The following HPF1 variants were observed in gnomAD, a reference collection of about 807,000 sequenced individuals.
HPF1 encodes the protein UPF0609 protein C4orf27.
Under a neutral mutation model 38.8 loss-of-function variants are expected in HPF1, and 35 were observed. That is an observed-to-expected ratio of 0.90 (90% CI 0.69 to 1.19). The LOEUF (loss-of-function observed/expected upper bound fraction) is 1.19. Among genes scored for constraint, HPF1 ranks in the 50% most tolerant of loss-of-function variants. The pLI, the probability that HPF1 is intolerant of heterozygous loss-of-function variation, is 0.00. For synonymous variants in HPF1, 115 were observed against 139.2 expected, an observed-to-expected ratio of 0.83 and a Z score of 1.22; for missense variants, 367 against 405.8, an observed-to-expected ratio of 0.90 and a Z score of 0.82.
Position 169,741,983 on chromosome 4 carries a change from CG to C in HPF1, c.621del (p.Val208Ter). On this transcript the variant is annotated frameshift_variant, in exon 5 of 8. Transcript: ENST00000393381. LOFTEE classifies it high-confidence loss of function. ...TTCTTATCTCTCTGTTTCATCTTCACGGTTCTCTGTTCAAGCGAGTACCCCA... is the reference window on the plus strand; with the variant it reads ...TTCTTATCTCTCTGTTTCATCTTCACGTTCTCTGTTCAAGCGAGTACCCCA... The part of the protein sequence containing the change: ...RELGYSLEQR[T>X]VKMKQRDKKV... 1 of 1,613,506 alleles carries C rather than the reference CG, an allele frequency of 6.2e-7. No homozygotes were observed. The highest frequency in any genetic ancestry group is 8.5e-7 in the Non-Finnish European group (1 of 1,179,642).
chr4:169,733,660 C>CT, intron 6 of HPF1, among the ~76,000 whole-genome samples: 1 of 152,192 alleles, frequency 6.6e-6, no homozygotes, highest in South Asian at 2.1e-4. Context: ...ATTTGGGAGG[C>CT]TGAGGCAGGA....
rs1315554884 is a variant in HPF1 at position 169,737,243 on chromosome 4, T to G, written c.736+417A>C. Among the ~76,000 whole-genome samples the G allele has an allele frequency of 4.1e-5, 6 of 147,722 alleles. No homozygotes were observed. The East Asian group carries it at 1.2e-3, about 29-fold the overall frequency. ...AGGCGGAGGTTGCAGTGAGCTGAGA[T>G]TGCGCCACTGCACTCCAGCCTGGGC... On this transcript the variant is annotated intron_variant, in intron 6 of 7. Transcript: ENST00000393381.
At chr4:169,734,063 A>G (rs1457296629) in intron 6 of HPF1, among the ~76,000 whole-genome samples, 1 of 152,210 alleles carries the variant, frequency 6.6e-6, no homozygotes, top group Non-Finnish European at 1.5e-5. Flanking sequence ...CTTTTGGTGG[A>G]CCAGTATCGC....
chr4:169,735,865 A>G (rs1359027874), intron 6 of HPF1, among the ~76,000 whole-genome samples: 2 of 151,598 alleles, frequency 1.3e-5, no homozygotes, highest in Non-Finnish European at 2.9e-5. Context: ...TAAGAGAAAT[A>G]CAGTGTGGGT....
chr4:169,733,898 A>G (rs1410386641), intron 6 of HPF1, among the ~76,000 whole-genome samples: 1 of 150,798 alleles, frequency 6.6e-6, no homozygotes, highest in Non-Finnish European at 1.5e-5. Context: ...CTGTCTCAAA[A>G]AAAAAAAAAA....
intron 1 of HPF1, among the ~76,000 whole-genome samples, chr4:169,756,710 G>T (rs1734192453): frequency 6.6e-6 from 1 of 152,158 alleles, no homozygotes; most frequent in Non-Finnish European, 1.5e-5. Context: ...GGCCATTACG[G>T]TTATAGTCTC....
intron 4 of HPF1, 149 bp from the exon 5 acceptor site, chr4:169,742,256 T>C (rs530831220): frequency 7.5e-6 from 5 of 670,924 alleles, no homozygotes; most frequent in African/African-American, 1.8e-5. Flanking sequence ...AAATCCCTAA[T>C]AGTTTTCTTC....
chr4:169,730,520 G>A (rs140191155), intron 7 of HPF1, among the ~76,000 whole-genome samples: 1 of 152,274 alleles, frequency 6.6e-6, no homozygotes, highest in African/African-American at 2.4e-5. Context: ...TTTATAGCAG[G>A]GTTCTCAAAA....
chr4:169,739,495 A>C (rs1439686834), intron 5 of HPF1, among the ~76,000 whole-genome samples: 1 of 152,126 alleles, frequency 6.6e-6, no homozygotes, highest in Non-Finnish European at 1.5e-5. Flanking sequence ...AATGCTAATT[A>C]AAACTGCAGA....
intron 6 of HPF1, among the ~76,000 whole-genome samples, chr4:169,733,761 T>C (rs970815095): frequency 1.3e-5 from 2 of 151,942 alleles, no homozygotes; most frequent in African/African-American, 4.8e-5. Context: ...CTGGACTTGG[T>C]GGTGGACACC....
At chr4:169,730,129 C>T (rs1416703431) in intron 7 of HPF1, among the ~76,000 whole-genome samples, 3 of 152,180 alleles carry the variant, frequency 2.0e-5, no homozygotes, top group African/African-American at 7.2e-5. Context: ...AATTCCTTCT[C>T]TCCCCCATCC....
At chr4:169,742,606 C>A (rs1394834620) in intron 4 of HPF1, among the ~76,000 whole-genome samples, 7 of 152,162 alleles carry the variant, frequency 4.6e-5, no homozygotes, top group South Asian at 2.1e-4. Context: ...TCCTGGCTAA[C>A]AAGGTGAAAC....
At chr4:169,740,946 C>A (rs933142029) in intron 5 of HPF1, among the ~76,000 whole-genome samples, 2 of 152,216 alleles carry the variant, frequency 1.3e-5, no homozygotes, top group African/African-American at 4.8e-5. Flanking sequence ...AACTAGGTTA[C>A]AAATGCTACC....
intron 6 of HPF1, among the ~76,000 whole-genome samples, chr4:169,736,134 T>C (rs758608957): frequency 2.6e-5 from 4 of 151,462 alleles, no homozygotes; most frequent in Non-Finnish European, 4.4e-5. Context: ...ATCCCAAAAC[T>C]TTGGGAAGCC....
chr4:169,750,132 C>T (rs1328805826), intron 3 of HPF1, among the ~76,000 whole-genome samples: 13 of 152,076 alleles, frequency 8.5e-5, no homozygotes, highest in South Asian at 2.1e-4. Flanking sequence ...GACAGGAAAC[C>T]GAGTCACAGA....
chr4:169,751,944 T>C (rs1734124588), intron 2 of HPF1, among the ~76,000 whole-genome samples: 1 of 152,346 alleles, frequency 6.6e-6, no homozygotes, highest in South Asian at 2.1e-4. Context: ...GGTTGTTTTG[T>C]ATTGTAATCT....
rs1459998676 is a variant in HPF1 at position 169,729,587 on chromosome 4, A to T, written c.1032T>A (p.Leu344=). 5 of 1,545,634 alleles carry T rather than the reference A, an allele frequency of 3.2e-6. No individual in the cohort carries two copies. Among genetic ancestry groups the T allele is most frequent in the Non-Finnish European group, 1.7e-6 (2 of 1,147,838 alleles). The change falls in exon 8 of 8, where the codon CTT becomes CTA. Residue 344 remains leucine (L), a synonymous_variant. Transcript: ENST00000393381. The part of the protein sequence containing the change: ...ANRSQENIDQ[L]AA ...ATCAAAGCCACCTTACTCATGCAGC[A>T]AGTTGGTCTATGTTCTCTTGACTTC...
chr4:169,751,231 C>T (rs1383190701), intron 2 of HPF1, among the ~76,000 whole-genome samples: 3 of 151,828 alleles, frequency 2.0e-5, no homozygotes, highest in Non-Finnish European at 4.4e-5. Flanking sequence ...GGCAAAACCC[C>T]GTCTCTACTA....
chr4:169,754,351 A>G (rs1734157604), intron 1 of HPF1, among the ~76,000 whole-genome samples: 1 of 152,194 alleles, frequency 6.6e-6, no homozygotes, highest in Admixed American at 6.5e-5. Context: ...TTCCAGATAA[A>G]GAGGGAAGGT....
Sources: gnomAD v4.1 joint callset for allele counts (sites outside exome capture counted in the v4.1 genomes callset) on GRCh38, gnomAD v4.1.1 for gene constraint, MANE v1.5 for transcripts, NCBI Gene and HGNC (gene_info 2026-07-23, HGNC 2026-07-21) for gene names.